The following DOCK3 variants were observed in gnomAD, a reference collection of about 807,000 sequenced individuals.
DOCK3 encodes dedicator of cytokinesis 3, also known as dedicator of cytokinesis protein 3.
In DOCK3, 60 loss-of-function variants were observed where a neutral mutation model predicts 265.6. The ratio of observed to expected loss-of-function variants is 0.23; its 90% CI spans 0.18 to 0.28. DOCK3 has a LOEUF of 0.28. Ranked by LOEUF, DOCK3 falls within the 10% of genes least tolerant of loss-of-function variation. The pLI, the probability that DOCK3 is intolerant of heterozygous loss-of-function variation, is 1.00. For missense variants in DOCK3, 1,981 were observed against 2,594.3 expected (o/e 0.76, Z 5.14); for synonymous variants, 881 against 938.0 (o/e 0.94, Z 1.11).
chr3:50,933,315 C>T (rs191296196), intron 4 of DOCK3, among the ~76,000 whole-genome samples: 26 of 152,312 alleles, frequency 1.7e-4, no homozygotes, highest in Admixed American at 1.3e-3. Context: ...GATAGAAATC[C>T]TGTTCCTTTT....
intron 27 of DOCK3, among the ~76,000 whole-genome samples, chr3:51,286,137 C>T (rs540365389): frequency 1.4e-4 from 21 of 152,166 alleles, no homozygotes; most frequent in African/African-American, 4.3e-4. Flanking sequence ...ATACAAAAAT[C>T]GATGTAAAAA....
rs191548966 is a variant in DOCK3 at position 51,174,568 on chromosome 3, A to G, written c.1037+13866A>G. On this transcript the variant is annotated intron_variant, in intron 12 of 52. Transcript: ENST00000266037. ...TTATCTATCTGTTCTCTTGCATCTC[A>G]TTAAGCTTCTTTAAGATGATTATTT... Among the ~76,000 whole-genome samples, 455 of 152,262 alleles carry G rather than the reference A, an allele frequency of 3.0e-3. 1 individual carries two copies. The Middle Eastern group carries it at 0.061, about 20-fold the overall frequency.
intron 5 of DOCK3, among the ~76,000 whole-genome samples, chr3:50,973,190 A>G (rs1461928592): frequency 6.8e-6 from 1 of 146,840 alleles, no homozygotes; most frequent in Non-Finnish European, 1.5e-5. Flanking sequence ...CACATTGTGC[A>G]GGTTAGTTGC....
chr3:51,236,676 G>A (rs1053568342), intron 20 of DOCK3, among the ~76,000 whole-genome samples: 5 of 152,092 alleles, frequency 3.3e-5, no homozygotes, highest in Non-Finnish European at 7.3e-5. Context: ...CATCACTATT[G>A]CAGTATGCCT....
intron 2 of DOCK3, among the ~76,000 whole-genome samples, chr3:50,797,599 G>T (rs1454620861): frequency 6.6e-6 from 1 of 152,294 alleles, no homozygotes; most frequent in South Asian, 2.1e-4. Context: ...AGGCACCTCC[G>T]TACTGTTCTC....
intron 3 of DOCK3, among the ~76,000 whole-genome samples, chr3:50,855,499 G>A (rs1199423783): frequency 6.6e-6 from 1 of 152,026 alleles, no homozygotes; most frequent in African/African-American, 2.4e-5. Flanking sequence ...ACTGGTTTTT[G>A]TATGTTGATT....
At chr3:50,895,441 G>C (rs1207444878) in intron 4 of DOCK3, among the ~76,000 whole-genome samples, 1 of 151,518 alleles carries the variant, frequency 6.6e-6, no homozygotes, top group East Asian at 1.9e-4. Context: ...GCATTGCAAT[G>C]GCAGTACATA....
chr3:50,889,677 G>A (rs776743707), intron 3 of DOCK3, among the ~76,000 whole-genome samples: 1 of 152,024 alleles, frequency 6.6e-6, no homozygotes, highest in Non-Finnish European at 1.5e-5. Context: ...GTTAGATGAT[G>A]ATATTAGTTT....
At chr3:51,006,067 A>G (rs1309266518) in intron 5 of DOCK3, among the ~76,000 whole-genome samples, 1 of 152,112 alleles carries the variant, frequency 6.6e-6, no homozygotes, top group Non-Finnish European at 1.5e-5. Flanking sequence ...GTGCCAAGCA[A>G]GCATTGACCT....
In DOCK3 at chr3:51,061,582, G is replaced by A. The variant is rs531785691; in HGVS notation, c.316-2866G>A. Among the ~76,000 whole-genome samples the A allele has an allele frequency of 2.6e-5, 4 of 152,070 alleles. No individual in the cohort carries two copies. The South Asian group carries it at 6.2e-4, about 24-fold the overall frequency. ...TGATGTGGGGTGGGGAGAGGGGGGA[G>A]GGATAGCATTTGGAGATATACCTAA... On this transcript the variant is annotated intron_variant, in intron 5 of 52. Transcript: ENST00000266037.
chr3:51,332,305 G>A (rs916858487), intron 33 of DOCK3, among the ~76,000 whole-genome samples: 11 of 152,230 alleles, frequency 7.2e-5, no homozygotes, highest in African/African-American at 1.9e-4. Context: ...AGACCTGTGC[G>A]ATGGCAGAGG....
At chr3:51,362,746 A>C in intron 49 of DOCK3, 72 bp downstream of exon 49, 5 of 1,554,808 alleles carry the variant, frequency 3.2e-6, no homozygotes, top group Non-Finnish European at 4.4e-6. Context: ...GCTTCCTCTC[A>C]TCTGTGGCTG....
intron 1 of DOCK3, among the ~76,000 whole-genome samples, chr3:50,770,921 G>T (rs2041237484): frequency 6.6e-6 from 1 of 152,128 alleles, no homozygotes; most frequent in African/African-American, 2.4e-5. Context: ...ATAGATGAAT[G>T]AAGCTAGACA....
intron 27 of DOCK3, among the ~76,000 whole-genome samples, chr3:51,292,521 C>T (rs1247203631): frequency 6.6e-6 from 1 of 152,028 alleles, no homozygotes; most frequent in African/African-American, 2.4e-5. Context: ...CTTGTAATAC[C>T]AGCACTTTGG....
At chr3:50,731,469 G>A (rs2038204275) in intron 1 of DOCK3, among the ~76,000 whole-genome samples, 1 of 152,202 alleles carries the variant, frequency 6.6e-6, no homozygotes, top group Admixed American at 6.5e-5. Context: ...GATCGTGGGT[G>A]AAGTTATACA....
chr3:51,153,245 T>A (rs1466591916), intron 10 of DOCK3, among the ~76,000 whole-genome samples: 1 of 152,172 alleles, frequency 6.6e-6, no homozygotes, highest in African/African-American at 2.4e-5. Context: ...GCCTCGCAGG[T>A]CGATCTTAGA....
intron 9 of DOCK3, among the ~76,000 whole-genome samples, chr3:51,136,118 T>C (rs778625528): frequency 2.6e-5 from 4 of 152,114 alleles, no homozygotes; most frequent in Non-Finnish European, 4.4e-5. Flanking sequence ...TTTTTCTTCA[T>C]CTCTAATTAC....
intron 49 of DOCK3, among the ~76,000 whole-genome samples, chr3:51,363,247 C>T (rs907575567): frequency 1.3e-5 from 2 of 152,192 alleles, no homozygotes; most frequent in Admixed American, 6.5e-5. Context: ...ATCTTTTTCA[C>T]GTTCTAATCC....
At chr3:51,145,455 C>T (rs113172284) in intron 9 of DOCK3, among the ~76,000 whole-genome samples, 1 of 152,074 alleles carries the variant, frequency 6.6e-6, no homozygotes, top group East Asian at 1.9e-4. Flanking sequence ...GTTCTATTCC[C>T]ACCTATGAGC....
Sources: allele counts gnomAD v4.1 joint callset (sites outside exome capture counted in the v4.1 genomes callset), GRCh38; gene constraint gnomAD v4.1.1; transcripts MANE v1.5; gene names NCBI Gene and HGNC (gene_info 2026-07-23, HGNC 2026-07-21).